The following ZC3H12B variants were observed in gnomAD, a reference collection of about 807,000 sequenced individuals.
ZC3H12B encodes the protein probable ribonuclease ZC3H12B.
Under a neutral mutation model 43.9 loss-of-function variants are expected in ZC3H12B, and 7 were observed. The ratio of observed to expected loss-of-function variants is 0.16; its 90% CI spans 0.09 to 0.30. The LOEUF (loss-of-function observed/expected upper bound fraction) is 0.30, where lower values mean the gene tolerates loss of function less well. Among genes scored for constraint, ZC3H12B ranks in the 10% least tolerant of loss-of-function variants. ZC3H12B has a pLI of 1.00. For missense variants in ZC3H12B, 475 were observed against 670.2 expected (o/e 0.71, Z 3.22); for synonymous variants, 222 against 241.7 (o/e 0.92, Z 0.76).
the ZC3H12B span, among the ~76,000 whole-genome samples, chrX:65,267,904 G>A: frequency 6.4e-4 from 71 of 111,559 alleles, 1 homozygote; most frequent in Middle Eastern, 0.019. Flanking sequence ...TTAGCAGAAG[G>A]AAGGAAATAA....
chrX:65,214,619 G>T, the ZC3H12B span, among the ~76,000 whole-genome samples: 1 of 111,313 alleles, frequency 9.0e-6, no homozygotes, highest in African/African-American at 3.3e-5. Context: ...CACATCTTCA[G>T]TGACTTCCTC....
At chrX:65,192,717 A>G in the ZC3H12B span, among the ~76,000 whole-genome samples, 10 of 110,939 alleles carry the variant, frequency 9.0e-5, no homozygotes, top group Middle Eastern at 4.6e-3. Context: ...ATGATGAATG[A>G]TATTTTTATG....
the ZC3H12B span, chrX:65,330,972 C>A: frequency 3.1e-6 from 1 of 325,342 alleles, no homozygotes; most frequent in South Asian, 3.3e-5. Context: ...CAGCCCCTCT[C>A]ATCTTTCCCT....
the ZC3H12B span, among the ~76,000 whole-genome samples, chrX:65,343,358 T>G: frequency 9.0e-6 from 1 of 111,603 alleles, no homozygotes; most frequent in Non-Finnish European, 1.9e-5. Context: ...CCAAAACCTG[T>G]CAAAGATACA....
chrX:65,040,925 C>A, the ZC3H12B span, among the ~76,000 whole-genome samples: 24 of 110,966 alleles, frequency 2.2e-4, no homozygotes, highest in African/African-American at 7.9e-4. Context: ...GCTGGAACTA[C>A]AGGTGTGCGC....
chrX:65,220,714 G>C, the ZC3H12B span, among the ~76,000 whole-genome samples: 1 of 111,924 alleles, frequency 8.9e-6, no homozygotes. Context: ...ATTACTACTA[G>C]ACATAAGAAA....
chrX:65,414,894 G>A (rs1003920653), intron 3 of ZC3H12B, among the ~76,000 whole-genome samples: 6 of 112,073 alleles, frequency 5.4e-5, no homozygotes, highest in East Asian at 2.8e-4. Context: ...AGTCAAACTC[G>A]TAAAATGTTT....
intron 3 of ZC3H12B, among the ~76,000 whole-genome samples, chrX:65,450,934 T>TAC (rs1196607600): frequency 5.1e-5 from 5 of 98,859 alleles, no homozygotes; most frequent in African/African-American, 1.9e-4. Flanking sequence ...TATATATATA[T>TAC]ACACATACAT....
the ZC3H12B span, among the ~76,000 whole-genome samples, chrX:65,338,588 T>A: frequency 8.9e-6 from 1 of 112,191 alleles, no homozygotes; most frequent in Non-Finnish European, 1.9e-5. Context: ...CCAATATCTC[T>A]GAAGAACATA....
intron 2 of ZC3H12B, among the ~76,000 whole-genome samples, chrX:65,371,291 A>G (rs1334323828): frequency 8.9e-6 from 1 of 111,898 alleles, no homozygotes; most frequent in Non-Finnish European, 1.9e-5. Flanking sequence ...TTTGAGTCTC[A>G]TAATAATGAC....
the ZC3H12B span, among the ~76,000 whole-genome samples, chrX:65,126,421 C>A: frequency 3.6e-4 from 40 of 111,239 alleles, no homozygotes; most frequent in Admixed American, 5.7e-4. Context: ...TCTTGAGATT[C>A]TTTCCTTCAT....
chrX:65,084,598 CAG>C, the ZC3H12B span, among the ~76,000 whole-genome samples: 1 of 112,310 alleles, frequency 8.9e-6, no homozygotes, highest in Non-Finnish European at 1.9e-5. Flanking sequence ...ATTTAAATGA[CAG>C]AGAATAACTA....
chrX:65,176,603 G>A, the ZC3H12B span, among the ~76,000 whole-genome samples: 5 of 111,603 alleles, frequency 4.5e-5, no homozygotes, highest in Admixed American at 1.9e-4. Context: ...GGATAACACC[G>A]CTGATCCCAC....
chrX:65,449,724 C>A (rs1452856443), intron 3 of ZC3H12B, among the ~76,000 whole-genome samples: 1 of 111,361 alleles, frequency 9.0e-6, no homozygotes, highest in East Asian at 2.8e-4. Context: ...CAGCTGGAGG[C>A]CATTATTCTA....
the ZC3H12B span, among the ~76,000 whole-genome samples, chrX:65,060,482 G>C: frequency 1.8e-5 from 2 of 111,926 alleles, no homozygotes; most frequent in African/African-American, 6.5e-5. Flanking sequence ...GTTTCATTCT[G>C]TTGATACGAT....
the ZC3H12B span, among the ~76,000 whole-genome samples, chrX:65,305,659 G>A: frequency 3.6e-5 from 4 of 111,686 alleles, no homozygotes; most frequent in South Asian, 1.5e-3. Flanking sequence ...TAAGAAATTT[G>A]TTATGTTATT....
intron 3 of ZC3H12B, among the ~76,000 whole-genome samples, chrX:65,441,266 T>C (rs753357072): frequency 4.5e-5 from 5 of 112,135 alleles, no homozygotes; most frequent in African/African-American, 1.3e-4. Flanking sequence ...AAAATATAAC[T>C]ACTTTGATAT....
chrX:65,118,428 C>T, the ZC3H12B span, among the ~76,000 whole-genome samples: 2 of 111,302 alleles, frequency 1.8e-5, no homozygotes, highest in Admixed American at 1.9e-4. Context: ...CTGAGACTTT[C>T]CTGAAGTTGC....
chrX:65,135,287 A>T, the ZC3H12B span, among the ~76,000 whole-genome samples: 1 of 110,831 alleles, frequency 9.0e-6, no homozygotes, highest in Non-Finnish European at 1.9e-5. Context: ...ACTCTCAAAC[A>T]TAATTTGGAA....
Sources: gnomAD v4.1 joint callset for allele counts (sites outside exome capture counted in the v4.1 genomes callset) on GRCh38, gnomAD v4.1.1 for gene constraint, MANE v1.5 for transcripts, NCBI Gene and HGNC (gene_info 2026-07-23, HGNC 2026-07-21) for gene names.